The following PCDHGA10 variants were observed in gnomAD, a reference collection of about 807,000 sequenced individuals.
PCDHGA10 encodes protocadherin gamma-A10.
In PCDHGA10, 42 loss-of-function variants were observed where a neutral mutation model predicts 59.5. The observed-to-expected ratio is 0.71, with a 90% CI of 0.55 to 0.91. The LOEUF (loss-of-function observed/expected upper bound fraction) is 0.91, where lower values mean the gene tolerates loss of function less well. Ranked by LOEUF, PCDHGA10 falls within the 40% of genes least tolerant of loss-of-function variation. The pLI, the probability that PCDHGA10 is intolerant of heterozygous loss-of-function variation, is 0.00. For missense variants in PCDHGA10, 1,111 were observed against 1,198.2 expected, an observed-to-expected ratio of 0.93 and a Z score of 1.07; for synonymous variants, 511 against 517.2, an observed-to-expected ratio of 0.99 and a Z score of 0.16.
chr5:141,432,104 C>T lies in PCDHGA10; in HGVS notation c.2436+16493C>T. The stretch of plus-strand genomic sequence containing the variant: ...GAACGTGGCAGACACCAACGACAAC[C>T]CGCCGGTCTTCCCTCAGGCCTCCTA... On this transcript the variant is annotated intron_variant, in intron 1 of 3. Coordinates refer to ENST00000398610, the MANE Select transcript of PCDHGA10 (RefSeq NM_018913.3). This position sits in a 1 kb window ranked among gnomAD's most constrained non-coding sequence, Gnocchi z 6.0. 1 of 1,614,204 alleles carries T rather than the reference C, an allele frequency of 6.2e-7. No individual in the cohort carries two copies. The highest frequency in any genetic ancestry group is 1.7e-5 in the Admixed American group (1 of 60,026).
chr5:141,497,540 CTT>C (rs754207034), intron 2 of PCDHGA10, among the ~76,000 whole-genome samples: 114 of 134,852 alleles, frequency 8.5e-4, no homozygotes, highest in Middle Eastern at 3.7e-3. Context: ...TGCAACAAAC[CTT>C]TTTTTTTTTT....
At chr5:141,464,748 T>C (rs995568259) in intron 1 of PCDHGA10, among the ~76,000 whole-genome samples, 2 of 152,190 alleles carry the variant, frequency 1.3e-5, no homozygotes, top group Admixed American at 1.3e-4. Context: ...TATCTTTTTG[T>C]TTTTTTAGAG....
rs2099669219 is a variant in PCDHGA10, at chr5:141,487,927, C to T, written c.2437-6880C>T. 3 of 626,498 alleles carry T rather than the reference C, an allele frequency of 4.8e-6. No homozygotes were observed. Among genetic ancestry groups the T allele is most frequent in the Admixed American group, 5.9e-5 (2 of 34,100 alleles). The allele number at this position is 626,498 out of a possible 1,614,324, so 38.8% of individuals were successfully genotyped here. On this transcript the variant is annotated intron_variant, in intron 1 of 3. Coordinates refer to ENST00000398610, the MANE Select transcript of PCDHGA10 (RefSeq NM_018913.3). The surrounding 1 kb of genome is among the most constrained non-coding windows in gnomAD (Gnocchi z 5.0). ...TGGGAGCACAGGAGGCTACAGTGCA[C>T]AGGGTACAGTGCACCAGGCAGTCAC...
Position 141,501,940 on chromosome 5 carries a change from C to T in PCDHGA10, c.2496-3453C>T, listed in dbSNP as rs565207980. Among the ~76,000 whole-genome samples the T allele has an allele frequency of 2.6e-5, 4 of 152,250 alleles. No individual in the cohort carries two copies. In the East Asian group the frequency reaches 7.7e-4, roughly 29 times the overall value. On this transcript the variant is annotated intron_variant, in intron 2 of 3. Transcript: ENST00000398610. ...CAGCTTTGTTCCCTCAACACCACTG[C>T]TCCCTGTGACAGGTCATCCTCCTAA...
intron 1 of PCDHGA10, chr5:141,440,247 T>C (rs1158469276): frequency 1.3e-5 from 2 of 152,296 alleles, no homozygotes; most frequent in Non-Finnish European, 2.9e-5. Context: ...GGCGAGCAGA[T>C]TACGAGGTCA....
chr5:141,440,035 C>T, intron 1 of PCDHGA10: 1 of 153,140 alleles, frequency 6.5e-6, no homozygotes, highest in East Asian at 1.9e-4. Flanking sequence ...GTGTCGAGGA[C>T]ATGCCCACTT....
Position 141,431,154 on chromosome 5 carries a change from A to G in PCDHGA10, c.2436+15543A>G, listed in dbSNP as rs754200786. ...AGGGACATTAACGACAATGCGCCTT[A>G]CTTTCGTGAAAGTGAATTAGAAATA... On this transcript the variant is annotated intron_variant, in intron 1 of 3. Coordinates refer to ENST00000398610, the MANE Select transcript of PCDHGA10 (RefSeq NM_018913.3). The surrounding 1 kb of genome is among the most constrained non-coding windows in gnomAD (Gnocchi z 4.8). 1.1e-5 allele frequency: 18 copies of G among 1,614,136 alleles called. No homozygotes were observed. In the East Asian group the frequency reaches 4.0e-4, roughly 36 times the overall value.
At chr5:141,503,263 C>T (rs2099818883) in intron 2 of PCDHGA10, among the ~76,000 whole-genome samples, 2 of 152,212 alleles carry the variant, frequency 1.3e-5, no homozygotes, top group South Asian at 4.2e-4. Context: ...GCCACAACCC[C>T]AGCACCTGGC....
intron 1 of PCDHGA10, among the ~76,000 whole-genome samples, chr5:141,461,148 A>G (rs1293565790): frequency 1.3e-5 from 2 of 152,090 alleles, no homozygotes; most frequent in Non-Finnish European, 2.9e-5. Context: ...CTTTGGGTAG[A>G]TACCCAATAG....
Position 141,451,147 on chromosome 5 carries a change from A to G in PCDHGA10, c.2436+35536A>G, listed in dbSNP as rs2098708727. ...CCAGCCTTATGATTGTATTTAGACT[A>G]GACATTTTTTTGGTAGTATATTATT... On this transcript the variant is annotated intron_variant, in intron 1 of 3. Coordinates refer to ENST00000398610, the MANE Select transcript of PCDHGA10 (RefSeq NM_018913.3). Among the ~76,000 whole-genome samples, 3 of 152,250 alleles carry G rather than the reference A, an allele frequency of 2.0e-5. No homozygotes were observed. In the South Asian group the frequency reaches 6.2e-4, roughly 32 times the overall value.
At chr5:141,467,131 C>A (rs1441537783) in intron 1 of PCDHGA10, among the ~76,000 whole-genome samples, 1 of 151,702 alleles carries the variant, frequency 6.6e-6, no homozygotes, top group African/African-American at 2.4e-5. Flanking sequence ...CAGCTCACTG[C>A]AACCTCTGCC....
chr5:141,466,121 C>CA (rs908379481), intron 1 of PCDHGA10, among the ~76,000 whole-genome samples: 24 of 146,876 alleles, frequency 1.6e-4, no homozygotes, highest in East Asian at 8.0e-4. Context: ...GACTCCAGCT[C>CA]AAAAAAAAAA....
chr5:141,482,530 C>CAAAAAAAAAAAAAAAAAA (rs3074545), intron 1 of PCDHGA10, among the ~76,000 whole-genome samples: 1 of 76,562 alleles, frequency 1.3e-5, no homozygotes, highest in Non-Finnish European at 2.6e-5. Flanking sequence ...GACAGACATG[C>CAAAAAAAAAAAAAAAAAA]AAAAAAAAAA....
rs1290682140 is a variant in PCDHGA10 at position 141,431,692 on chromosome 5, G to A, written c.2436+16081G>A. 1 of 1,614,132 alleles carries A rather than the reference G, an allele frequency of 6.2e-7. No homozygotes were observed. The highest frequency in any genetic ancestry group is 2.2e-5 in the East Asian group (1 of 44,888). On this transcript the variant is annotated intron_variant, in intron 1 of 3. Transcript: ENST00000398610. The surrounding 1 kb of genome is among the most constrained non-coding windows in gnomAD (Gnocchi z 4.8). The stretch of plus-strand genomic sequence containing the variant: ...CAATAGGGGAGTTGGACCACGAGGA[G>A]TCAGGATTCTACCAGATGGAAGTGC...
rs1187424114 is a variant in PCDHGA10, at chr5:141,485,341, G to A, written c.2437-9466G>A. On this transcript the variant is annotated intron_variant, in intron 1 of 3. Transcript: ENST00000398610. The surrounding 1 kb of genome is among the most constrained non-coding windows in gnomAD (Gnocchi z 5.7). ...TCGCTCAAGATTTCCTGCTGGATAC[G>A]GACAGTCTGTCAGCTCGCAGGCTGC... 2 of 1,614,118 alleles carry A rather than the reference G, an allele frequency of 1.2e-6. No individual in the cohort carries two copies. The highest frequency in any genetic ancestry group is 1.7e-5 in the Admixed American group (1 of 60,018).
intron 1 of PCDHGA10, chr5:141,418,991 G>A (rs1335937354): frequency 6.2e-7 from 1 of 1,613,836 alleles, no homozygotes. Context: ...AGACTCAGGG[G>A]AAAATGGGGA....
rs1491285973 is a variant in PCDHGA10, at chr5:141,415,739, GGT to G, written c.2436+129_2436+130del. 5.5e-5 allele frequency: 24 copies of G among 435,136 alleles called. No individual in the cohort carries two copies. The African/African-American group carries it at 7.2e-4, about 13-fold the overall frequency. 27.0% of individuals were successfully genotyped at this position (435,136 alleles called of 1,614,324 possible). A position where few individuals can be genotyped will look rare whatever the true frequency, so the allele number is the denominator to read the frequency against. On this transcript the variant is annotated intron_variant, in intron 1 of 3. Transcript: ENST00000398610. Reference sequence around the variant, plus strand: ...ATGAGTAGAATTTGATGTTTATTAAGGTTTTTTTTTTTTTTTTTTTTTTTTTT... The same window carrying G: ...ATGAGTAGAATTTGATGTTTATTAAGTTTTTTTTTTTTTTTTTTTTTTTTT...
chr5:141,465,429 A>G (rs1191638112), intron 1 of PCDHGA10, among the ~76,000 whole-genome samples: 2 of 152,316 alleles, frequency 1.3e-5, no homozygotes, highest in East Asian at 3.9e-4. Context: ...AAAGGTGGGC[A>G]CTTAATGATT....
At chr5:141,492,461 G>A (rs1218833302) in intron 1 of PCDHGA10, among the ~76,000 whole-genome samples, 1 of 152,212 alleles carries the variant, frequency 6.6e-6, no homozygotes, top group East Asian at 1.9e-4. Flanking sequence ...CGCGCCTGAG[G>A]GTCCCAGATC....
Sources: gnomAD v4.1 joint callset for allele counts (sites outside exome capture counted in the v4.1 genomes callset) on GRCh38, gnomAD v4.1.1 for gene constraint, Gnocchi (gnomAD v3.1) non-coding constraint, MANE v1.5 for transcripts, NCBI Gene and HGNC (gene_info 2026-07-23, HGNC 2026-07-21) for gene names.